The following PARD3B variants were observed in gnomAD, a reference collection of about 807,000 sequenced individuals.
PARD3B encodes partitioning defective 3 homolog B.
A neutral mutation model predicts 130.2 loss-of-function variants in PARD3B; 103 were observed. The observed-to-expected ratio is 0.79, with a 90% CI of 0.67 to 0.93. PARD3B has a LOEUF of 0.93. Ranked by LOEUF, PARD3B falls within the 40% of genes least tolerant of loss-of-function variation. PARD3B has a pLI of 0.00. For synonymous variants in PARD3B, 583 were observed against 553.2 expected (o/e 1.05, Z -0.76); for missense variants, 1,609 against 1,499.2 (o/e 1.07, Z -1.21).
intron 22 of PARD3B, among the ~76,000 whole-genome samples, chr2:205,561,006 C>T (rs1320049083): frequency 2.0e-4 from 30 of 152,322 alleles, no homozygotes. Context: ...TCAGTCTTCT[C>T]GTCTACTTAT....
In PARD3B at chr2:204,909,877, G is replaced by A. The variant is rs540398763; in HGVS notation, c.223-55275G>A. ...TTTATTGCTATGCTTAGATTTTTTC[G>A]AACTATTTTTCTCATGGAAGAGAAA... On this transcript the variant is annotated intron_variant, in intron 2 of 22. Transcript: ENST00000406610. Among the ~76,000 whole-genome samples the A allele has an allele frequency of 7.9e-5, 12 of 151,966 alleles. No individual in the cohort carries two copies. The South Asian group carries it at 1.5e-3, about 18-fold the overall frequency.
rs2047673077 is a variant in PARD3B at position 205,440,462 on chromosome 2, A to T, written c.2834A>T (p.Asp945Val). ...TGAIGSVYDMDDDEMDPNYAR... is the reference protein window; with the variant it reads ...TGAIGSVYDMVDDEMDPNYAR... ...GCAATTGGATCAGTGTATGATATGGATGATGATGAAATGGACCCCAATTAT... is the reference window on the plus strand; with the variant it reads ...GCAATTGGATCAGTGTATGATATGGTTGATGATGAAATGGACCCCAATTAT... Residue 945 changes from aspartate (D) to valine (V), a missense_variant, in exon 20 of 23, where the codon GAT becomes GTT. Coordinates refer to ENST00000406610, the MANE Select transcript of PARD3B (RefSeq NM_001302769.2). This position sits in a 1 kb window ranked among gnomAD's most constrained non-coding sequence, Gnocchi z 4.2. 1 of 1,614,056 alleles carries T rather than the reference A, an allele frequency of 6.2e-7. No individual in the cohort carries two copies. Among genetic ancestry groups the T allele is most frequent in the Non-Finnish European group, 8.5e-7 (1 of 1,179,950 alleles).
chr2:204,980,487 A>T (rs952625180), intron 3 of PARD3B, among the ~76,000 whole-genome samples: 16 of 152,196 alleles, frequency 1.1e-4, no homozygotes, highest in African/African-American at 3.9e-4. Flanking sequence ...ACTTCCAAAG[A>T]ATAGGATACT....
At position 204,887,836 on chromosome 2, in the gene PARD3B, C is replaced by G. The variant is rs544497655; in HGVS notation, c.223-77316C>G. ...GACCAGACAGTGCATGGTGCAATGC[C>G]AGAAGTTGACACTGTCATTGGGTGC... On this transcript the variant is annotated intron_variant, in intron 2 of 22. Transcript: ENST00000406610. The surrounding 1 kb of genome is among the most constrained non-coding windows in gnomAD (Gnocchi z 4.2). 7.9e-5 allele frequency among the ~76,000 whole-genome samples: 12 copies of G among 152,202 alleles called. No individual in the cohort carries two copies. The South Asian group carries it at 2.5e-3, about 32-fold the overall frequency.
intron 2 of PARD3B, among the ~76,000 whole-genome samples, chr2:204,883,360 T>C: frequency 7.0e-6 from 1 of 143,176 alleles, no homozygotes; most frequent in East Asian, 2.0e-4. Context: ...TTCAGATGCA[T>C]TAACTATATT....
At chr2:205,184,007 G>A (rs891780144) in intron 13 of PARD3B, among the ~76,000 whole-genome samples, 1 of 152,100 alleles carries the variant, frequency 6.6e-6, no homozygotes, top group African/African-American at 2.4e-5. Flanking sequence ...AAAAGCCAAT[G>A]TCCCATGTCA....
intron 20 of PARD3B, among the ~76,000 whole-genome samples, chr2:205,469,392 C>G (rs1655229172): frequency 6.6e-6 from 1 of 152,084 alleles, no homozygotes; most frequent in African/African-American, 2.4e-5. Context: ...TTTTAGTGAT[C>G]CCACATGTTT....
At chr2:205,548,917 A>G (rs944051476) in intron 21 of PARD3B, among the ~76,000 whole-genome samples, 1 of 152,188 alleles carries the variant, frequency 6.6e-6, no homozygotes, top group African/African-American at 2.4e-5. Flanking sequence ...CTTAAAACTC[A>G]ACAAGAAAAC....
At chr2:204,999,589 T>C (rs890817080) in intron 3 of PARD3B, among the ~76,000 whole-genome samples, 5 of 152,224 alleles carry the variant, frequency 3.3e-5, no homozygotes, top group Non-Finnish European at 7.3e-5. Flanking sequence ...CTGTGATGTT[T>C]AAACTTAATT....
In PARD3B at chr2:205,615,503, GGCT is replaced by G; in HGVS notation, c.3309_3311del (p.Leu1104del). The G allele has an allele frequency of 6.2e-7, 1 of 1,613,352 alleles. No homozygotes were observed. Among genetic ancestry groups the G allele is most frequent in the South Asian group, 1.1e-5 (1 of 90,936 alleles). ...GACTATCTGCCAGCAGCACCTCGGGGGCTCTACAAGGAAAGGGAGCTTCCCTAT... is the reference window on the plus strand; with the variant it reads ...GACTATCTGCCAGCAGCACCTCGGGGCTACAAGGAAAGGGAGCTTCCCTAT... On this transcript the variant is annotated inframe_deletion, in exon 23 of 23. Transcript: ENST00000406610.
At chr2:204,740,700 A>G (rs1003190678) in intron 2 of PARD3B, among the ~76,000 whole-genome samples, 19 of 152,196 alleles carry the variant, frequency 1.2e-4, no homozygotes, top group South Asian at 2.1e-4. Flanking sequence ...TGTCCACCAG[A>G]GTGCCTACAT....
intron 19 of PARD3B, among the ~76,000 whole-genome samples, chr2:205,408,517 T>C (rs2046485291): frequency 6.6e-6 from 1 of 152,222 alleles, no homozygotes; most frequent in South Asian, 2.1e-4. Flanking sequence ...AAGGAAAGTA[T>C]TACATTCTGG....
At chr2:204,667,652 G>C (rs1452647661) in intron 1 of PARD3B, among the ~76,000 whole-genome samples, 2 of 152,072 alleles carry the variant, frequency 1.3e-5, no homozygotes, top group Non-Finnish European at 2.9e-5. Context: ...AATTTTTTGT[G>C]TGCATGTGAA....
At chr2:204,938,983 G>C (rs747972287) in intron 2 of PARD3B, among the ~76,000 whole-genome samples, 18 of 152,088 alleles carry the variant, frequency 1.2e-4, no homozygotes, top group Non-Finnish European at 2.2e-4. Flanking sequence ...CACAGCTCCA[G>C]GACTATTCCA....
At chr2:204,881,972 T>C (rs537868226) in intron 2 of PARD3B, among the ~76,000 whole-genome samples, 4 of 152,310 alleles carry the variant, frequency 2.6e-5, no homozygotes, top group African/African-American at 9.6e-5. Context: ...TGGAGATAGC[T>C]GACACCCTTG....
chr2:205,563,924 T>C lies in PARD3B; in HGVS notation c.3260+10521T>C, dbSNP rs1218604694. 6.6e-6 allele frequency among the ~76,000 whole-genome samples: 1 copy of C among 152,090 alleles called. No homozygotes were observed. The highest frequency in any genetic ancestry group is 1.5e-5 in the Non-Finnish European group (1 of 68,014). On this transcript the variant is annotated intron_variant, in intron 22 of 22. Coordinates refer to ENST00000406610, the MANE Select transcript of PARD3B (RefSeq NM_001302769.2). This position sits in a 1 kb window ranked among gnomAD's most constrained non-coding sequence, Gnocchi z 4.2. ...TCTGCACCACTCCTCCACAGAACAC[T>C]CAGAACAAGGCAAGGGGAAGGAGTT... is the stretch of plus-strand genomic sequence containing the variant.
At position 205,431,660 on chromosome 2, in the gene PARD3B, G is replaced by A. The variant is rs191137108; in HGVS notation, c.2742-8710G>A. ...AATTTTTTGTATTTTTAGTAGAGACGGGGTTTCACTATGTTGGCCAGGATG... is the reference window on the plus strand; with the variant it reads ...AATTTTTTGTATTTTTAGTAGAGACAGGGTTTCACTATGTTGGCCAGGATG... On this transcript the variant is annotated intron_variant, in intron 19 of 22. Transcript: ENST00000406610. Among the ~76,000 whole-genome samples the A allele has an allele frequency of 6.0e-3, 910 of 151,752 alleles. 3 individuals carry two copies. The highest frequency in any genetic ancestry group is 0.024 in the South Asian group (113 of 4,780).
intron 14 of PARD3B, among the ~76,000 whole-genome samples, chr2:205,190,609 C>A (rs948114042): frequency 2.1e-4 from 32 of 152,270 alleles, no homozygotes; most frequent in African/African-American, 7.5e-4. Context: ...CAGCTTTGCC[C>A]CTGGCCAGCT....
chr2:205,025,138 T>G (rs1383670021), intron 3 of PARD3B, among the ~76,000 whole-genome samples: 1 of 152,180 alleles, frequency 6.6e-6, no homozygotes, highest in Non-Finnish European at 1.5e-5. Context: ...CAGGCTGTGA[T>G]TCAGGTATTA....
Sources: gnomAD v4.1 joint callset for allele counts (sites outside exome capture counted in the v4.1 genomes callset) on GRCh38, gnomAD v4.1.1 for gene constraint, Gnocchi (gnomAD v3.1) non-coding constraint, MANE v1.5 for transcripts, NCBI Gene and HGNC (gene_info 2026-07-23, HGNC 2026-07-21) for gene names.